Variants in SORBS3 observed in about 807,000 individuals in gnomAD.
SORBS3 encodes vinexin.
A neutral mutation model predicts 98.0 loss-of-function variants in SORBS3; 69 were observed. The ratio of observed to expected loss-of-function variants is 0.70; its 90% confidence interval spans 0.58 to 0.86. The LOEUF (loss-of-function observed/expected upper bound fraction) is 0.86. Among genes scored for constraint, SORBS3 ranks in the 40% least tolerant of loss-of-function variants. The probability of loss-of-function intolerance (pLI) is 0.00; values close to 1 mark genes in which losing one functional copy is unlikely to be tolerated. For synonymous variants in SORBS3, 394 were observed against 355.4 expected, an observed-to-expected ratio of 1.11 and a Z score of -1.22; for missense variants, 954 against 908.5, an observed-to-expected ratio of 1.05 and a Z score of -0.64.
rs1461027495 is a variant in SORBS3 at position 22,564,347 on chromosome 8, A to G, written c.740A>G (p.Gln247Arg). ...WTEESWNQFL[Q>R]ELETGQRPKK... ...GAAGAGTCCTGGAACCAGTTTCTGCAGGAACTAGAGACTGGGCAGAGGGTG... is the reference window on the plus strand; with the variant it reads ...GAAGAGTCCTGGAACCAGTTTCTGCGGGAACTAGAGACTGGGCAGAGGGTG... The change falls in exon 9 of 21, where the codon CAG becomes CGG. Residue 247 changes from glutamine to arginine, a missense_variant. Physicochemically the swap from Gln to Arg is conservative, Grantham distance 43 (BLOSUM62 1). Coordinates refer to ENST00000240123, the MANE Select transcript of SORBS3 (RefSeq NM_005775.5). 6.2e-7 allele frequency: 1 copy of G among 1,614,048 alleles called. No homozygotes were observed. The highest frequency in any genetic ancestry group is 1.1e-5 in the South Asian group (1 of 91,072).
At chr8:22,560,957 A>C in intron 5 of SORBS3, 1 of 197,838 alleles carries the variant, frequency 5.1e-6, no homozygotes, top group Non-Finnish European at 1.0e-5. Flanking sequence ...TTGAGGAGCT[A>C]GGAGTGGGTC....
intron 6 of SORBS3, 125 bp downstream of exon 6, chr8:22,561,498 GT>G: frequency 3.0e-6 from 3 of 1,008,700 alleles, no homozygotes; most frequent in Non-Finnish European, 4.6e-6. Flanking sequence ...AACCTGAGAG[GT>G]TTTTATAGCT....
intron 18 of SORBS3, 96 bp from the exon 19 acceptor site, chr8:22,571,622 G>A: frequency 1.3e-5 from 11 of 874,004 alleles, no homozygotes; most frequent in Non-Finnish European, 2.1e-5. Flanking sequence ...GCTGGCAGGT[G>A]GACTGGGAAC....
chr8:22,564,985 T>C (rs1840374638), intron 10 of SORBS3: 1 of 1,364,780 alleles, frequency 7.3e-7, no homozygotes, highest in Non-Finnish European at 9.4e-7. Context: ...ATTGGTGCTG[T>C]AACAGAGACA....
At position 22,554,305 on chromosome 8, in the gene SORBS3, C is replaced by A. The variant is rs983434924; in HGVS notation, c.-55-147C>A. ...GCCTGCAGGCGGGTGCCTGGCGTGG[C>A]CTGTTTCCTGGGTCCTTGAGCTAGT... On this transcript the variant is annotated intron_variant, in intron 1 of 20. Transcript: ENST00000240123. The surrounding 1 kb of genome is among the most constrained non-coding windows in gnomAD (Gnocchi z 6.5). The A allele has an allele frequency of 5.4e-4, 425 of 787,700 alleles. 1 individual carries two copies. The highest frequency in any genetic ancestry group is 7.4e-4 in the Non-Finnish European group (394 of 535,760). The allele number at this position is 787,700 out of a possible 1,614,324, so 48.8% of individuals were successfully genotyped here.
At chr8:22,552,535 G>A (rs1244218281) in intron 1 of SORBS3, among the ~76,000 whole-genome samples, 3 of 152,214 alleles carry the variant, frequency 2.0e-5, no homozygotes, top group African/African-American at 4.8e-5. Context: ...GGCGACACAA[G>A]GGGCAGGGTT....
intron 10 of SORBS3, chr8:22,564,750 A>G (rs1840369078): frequency 7.1e-7 from 1 of 1,415,988 alleles, no homozygotes; most frequent in Admixed American, 2.9e-5. Context: ...CAGAAAAGGG[A>G]GTGGTCAGTG....
At position 22,554,262 on chromosome 8, in the gene SORBS3, AGCCG is replaced by A. The variant is rs1308642148; in HGVS notation, c.-55-187_-55-184del. On this transcript the variant is annotated intron_variant, in intron 1 of 20. Transcript: ENST00000240123. The surrounding 1 kb of genome is among the most constrained non-coding windows in gnomAD (Gnocchi z 6.5). The stretch of plus-strand genomic sequence containing the variant: ...ACAAGTGGTCCATTGTGCCCCTGGG[AGCCG>A]GCAGGCACGGGCAGCCTGCAGGCGG... 2 of 387,182 alleles carry A rather than the reference AGCCG, an allele frequency of 5.2e-6. No individual in the cohort carries two copies. The allele number at this position is 387,182 out of a possible 1,614,324, so 24.0% of individuals were successfully genotyped here. A position where few individuals can be genotyped will look rare whatever the true frequency, so the allele number is the denominator to read the frequency against.
Position 22,566,476 on chromosome 8 carries a change from C to T in SORBS3, c.1082C>T (p.Ser361Leu), listed in dbSNP as rs777468323. Residue 361 changes from serine to leucine, a missense_variant, in exon 13 of 21, where the codon TCA becomes TTA. Coordinates refer to ENST00000240123, the MANE Select transcript of SORBS3 (RefSeq NM_005775.5). ...LGRRDFVYPS[S>L]TRDPSASNGG... ...CGGAGGGACTTTGTCTACCCTTCCT[C>T]AACCCGAGGTAAGGACCCAGCCCTG... 9 of 1,613,646 alleles carry T rather than the reference C, an allele frequency of 5.6e-6. No individual in the cohort carries two copies. In the South Asian group the frequency reaches 9.9e-5, roughly 18 times the overall value.
intron 1 of SORBS3, among the ~76,000 whole-genome samples, chr8:22,546,410 C>A (rs1417531017): frequency 6.6e-6 from 1 of 152,102 alleles, no homozygotes; most frequent in Non-Finnish European, 1.5e-5. Context: ...ATTCCCCTCC[C>A]AAGGGAGGGA....
At chr8:22,563,172 A>G (rs937556760) in intron 7 of SORBS3, among the ~76,000 whole-genome samples, 1 of 152,310 alleles carries the variant, frequency 6.6e-6, no homozygotes, top group Non-Finnish European at 1.5e-5. Context: ...TGACATTCTC[A>G]CAGTCACTTT....
chr8:22,554,082 T>C lies in SORBS3; in HGVS notation c.-55-370T>C, dbSNP rs991276211. On this transcript the variant is annotated intron_variant, in intron 1 of 20. Transcript: ENST00000240123. This position sits in a 1 kb window ranked among gnomAD's most constrained non-coding sequence, Gnocchi z 6.5. The stretch of plus-strand genomic sequence containing the variant: ...GTTCCCAGGCCCCCTCTCTGCCGGC[T>C]GCCCCACTTCCCCTGCGCCTTCCCT... 2.6e-5 allele frequency among the ~76,000 whole-genome samples: 4 copies of C among 152,170 alleles called. No homozygotes were observed. Among genetic ancestry groups the C allele is most frequent in the African/African-American group, 4.8e-5 (2 of 41,450 alleles).
chr8:22,560,227 G>GCT (rs1840264050), intron 5 of SORBS3, among the ~76,000 whole-genome samples: 1 of 152,058 alleles, frequency 6.6e-6, no homozygotes, highest in Non-Finnish European at 1.5e-5. Flanking sequence ...TGCAGTCTCA[G>GCT]CTATTTGGCA....
At chr8:22,559,230 A>G (rs1174765431) in intron 5 of SORBS3, among the ~76,000 whole-genome samples, 1 of 152,202 alleles carries the variant, frequency 6.6e-6, no homozygotes, top group Non-Finnish European at 1.5e-5. Flanking sequence ...ATCGTGTGTT[A>G]GACCAGGGCG....
chr8:22,565,778 G>C, intron 11 of SORBS3, 48 bp from the exon 12 acceptor site: 1 of 1,304,132 alleles, frequency 7.7e-7, no homozygotes, highest in Non-Finnish European at 9.8e-7. Context: ...CTCGGCTGCC[G>C]CTGGGTCCCG....
chr8:22,566,567 A>T (rs573958708), intron 13 of SORBS3, 83 bp downstream of exon 13: 40 of 1,582,882 alleles, frequency 2.5e-5, no homozygotes, highest in Non-Finnish European at 3.4e-5. Flanking sequence ...CAGGTCACAG[A>T]GCCCCTTGCT....
Position 22,564,304 on chromosome 8 carries a change from G to A in SORBS3, c.697G>A (p.Val233Ile). The A allele has an allele frequency of 1.2e-6, 2 of 1,610,122 alleles. No homozygotes were observed. The highest frequency in any genetic ancestry group is 1.1e-5 in the South Asian group (1 of 90,612). ...GCAGGTGCTCAGACGCCGGGAAAAA[G>A]TAGACAATGTCTGGACGGAAGAGTC... ...SNQVLRRREK[V>I]DNVWTEESWN... Residue 233 changes from valine (V) to isoleucine (I), a missense_variant, in exon 9 of 21, where the codon GTA (valine) becomes ATA (isoleucine). Physicochemically the swap from Val to Ile is conservative, Grantham distance 29 (BLOSUM62 3). Transcript: ENST00000240123.
At position 22,569,270 on chromosome 8, in the gene SORBS3, C is replaced by T; in HGVS notation, c.1428C>T (p.Arg476=). ...KGDLEVELSF[R]KGEHICLIRK... ...ACCTGGAGGTGGAGCTGTCCTTCCG[C>T]AAGGTGGGCCAGGCCGGAGACGGAG... is the stretch of plus-strand genomic sequence containing the variant. The change falls in exon 17 of 21, where the codon CGC becomes CGT. Residue 476 remains arginine, a synonymous_variant. Transcript: ENST00000240123. 3.1e-6 allele frequency: 5 copies of T among 1,588,612 alleles called. No individual in the cohort carries two copies. The highest frequency in any genetic ancestry group is 1.1e-5 in the South Asian group (1 of 88,080).
chr8:22,552,605 C>G (rs1321677363), intron 1 of SORBS3, among the ~76,000 whole-genome samples: 2 of 151,918 alleles, frequency 1.3e-5, no homozygotes, highest in African/African-American at 4.9e-5. Flanking sequence ...TCGTGGGGGA[C>G]CTCCTGCCCT....
Sources: allele counts gnomAD v4.1 joint callset (sites outside exome capture counted in the v4.1 genomes callset), GRCh38; gene constraint gnomAD v4.1.1; non-coding constraint Gnocchi (gnomAD v3.1); transcripts MANE v1.5; gene names NCBI Gene and HGNC (gene_info 2026-07-23, HGNC 2026-07-21).